The following USP45 variants were observed in gnomAD, a reference collection of about 807,000 sequenced individuals.
The protein encoded by USP45 is ubiquitin carboxyl-terminal hydrolase 45.
Under a neutral mutation model 95.8 loss-of-function variants are expected in USP45, and 89 were observed. That is an observed-to-expected ratio of 0.93 (90% CI 0.78 to 1.11). The LOEUF is 1.11. Ranked by LOEUF, USP45 falls within the 50% of genes least tolerant of loss-of-function variation. The pLI is 0.00. For missense variants in USP45, 898 were observed against 942.5 expected (o/e 0.95, Z 0.62); for synonymous variants, 281 against 316.2 (o/e 0.89, Z 1.18).
rs533691246 is a variant in USP45, at chr6:99,437,193, G to C, written c.2314+53C>G. On this transcript the variant is annotated intron_variant, in intron 17 of 17. Coordinates refer to ENST00000500704, the MANE Select transcript of USP45 (RefSeq NM_001346022.3). ...ATAATAACTTAGCTCTCCCAGAAAA[G>C]GAAGCACATATTCGTTTGTTTTTAA... The C allele has an allele frequency of 1.7e-5, 26 of 1,535,338 alleles. No homozygotes were observed. In the African/African-American group the frequency reaches 2.2e-4, roughly 13 times the overall value.
chr6:99,474,555 T>C (rs143014446), intron 9 of USP45, among the ~76,000 whole-genome samples: 372 of 152,298 alleles, frequency 2.4e-3, no homozygotes, highest in Non-Finnish European at 3.8e-3. Context: ...CACAAGCACA[T>C]ATGCACTTCA....
chr6:99,473,761 A>G (rs1191690339), intron 9 of USP45, among the ~76,000 whole-genome samples: 2 of 29,012 alleles, frequency 6.9e-5, no homozygotes, highest in African/African-American at 2.6e-4. Context: ...TCTCAAAAAA[A>G]AAACAAAAAA....
chr6:99,487,999 T>A (rs878890218), intron 7 of USP45, among the ~76,000 whole-genome samples: 1 of 152,226 alleles, frequency 6.6e-6, no homozygotes, highest in African/African-American at 2.4e-5. Context: ...ATTTGATCCA[T>A]GGCATATTGG....
At chr6:99,471,253 A>G (rs1409112317) in intron 9 of USP45, among the ~76,000 whole-genome samples, 4 of 152,232 alleles carry the variant, frequency 2.6e-5, no homozygotes, top group African/African-American at 9.6e-5. Context: ...CTCATTGTTA[A>G]GAGTTGTGCT....
intron 5 of USP45, among the ~76,000 whole-genome samples, chr6:99,497,498 A>T (rs1388655640): frequency 6.6e-6 from 1 of 152,184 alleles, no homozygotes; most frequent in Non-Finnish European, 1.5e-5. Flanking sequence ...CCTAGCTTGG[A>T]ACCAAATAAT....
intron 13 of USP45, among the ~76,000 whole-genome samples, chr6:99,463,800 CAAAAAAAAAAAA>C (rs398002416): frequency 2.3e-4 from 19 of 84,434 alleles, no homozygotes; most frequent in Middle Eastern, 5.9e-3. Context: ...GACTCCATCT[CAAAAAAAAAAAA>C]AAAAAAAAAA....
intron 13 of USP45, chr6:99,460,751 T>C (rs189006189): frequency 1.0e-6 from 1 of 981,718 alleles, no homozygotes; most frequent in East Asian, 1.1e-4. Flanking sequence ...AAGAGGACTA[T>C]GATTTTCTGA....
rs566839241 is a variant in USP45, at chr6:99,460,478, G to A, written c.1308+4126C>T. On this transcript the variant is annotated intron_variant, in intron 13 of 17. Coordinates refer to ENST00000500704, the MANE Select transcript of USP45 (RefSeq NM_001346022.3). ...TTTACTTGGACTTTAAAACTACTAA[G>A]TACCTGTTCAATTTTATCCTTAAAA... Among the ~76,000 whole-genome samples the A allele has an allele frequency of 1.3e-3, 203 of 152,086 alleles. 1 individual carries two copies. The highest frequency in any genetic ancestry group is 4.7e-3 in the African/African-American group (196 of 41,494).
At chr6:99,442,298 G>A (rs1369905205) in intron 15 of USP45, among the ~76,000 whole-genome samples, 1 of 152,142 alleles carries the variant, frequency 6.6e-6, no homozygotes, top group Non-Finnish European at 1.5e-5. Flanking sequence ...GCTCTGATAT[G>A]ACAAGACATA....
intron 6 of USP45, 89 bp from the exon 7 acceptor site, chr6:99,488,384 G>A: frequency 1.2e-6 from 1 of 851,700 alleles, no homozygotes; most frequent in South Asian, 1.7e-5. Context: ...ATCTAGCATA[G>A]CAAAAGTGTC....
At position 99,510,254 on chromosome 6, in the gene USP45, T is replaced by C. The variant is rs769822097; in HGVS notation, c.-10-24A>G. ...TACTGAAGGGATTGAGGGAAAAAAATTCATACATTTTAGTCTTCAAAATTA... is the reference window on the plus strand; with the variant it reads ...TACTGAAGGGATTGAGGGAAAAAAACTCATACATTTTAGTCTTCAAAATTA... On this transcript the variant is annotated intron_variant, in intron 1 of 17. Transcript: ENST00000500704. The C allele has an allele frequency of 3.2e-6, 5 of 1,538,714 alleles. No homozygotes were observed. In the Admixed American group the frequency reaches 7.3e-5, roughly 22 times the overall value.
At position 99,443,615 on chromosome 6, in the gene USP45, T is replaced by C. The variant is rs1329608766; in HGVS notation, c.2023A>G (p.Ile675Val). 1.9e-6 allele frequency: 3 copies of C among 1,609,342 alleles called. No homozygotes were observed. Among genetic ancestry groups the C allele is most frequent in the Non-Finnish European group, 2.5e-6 (3 of 1,177,346 alleles). The change falls in exon 15 of 18, where the codon ATT becomes GTT. Residue 675 changes from isoleucine to valine, a missense_variant. Transcript: ENST00000500704. ...ATTAGGACAGCTGGAACAGCAGAAA[T>C]GAGCAATTGCTTCCTGGCATTAGTA... ...VYTNARKQLL[I>V]SAVPAVLILH...
At chr6:99,480,082 A>G (rs1232104444) in intron 8 of USP45, among the ~76,000 whole-genome samples, 1 of 152,242 alleles carries the variant, frequency 6.6e-6, no homozygotes, top group Non-Finnish European at 1.5e-5. Flanking sequence ...ACATACAAAA[A>G]TCAACTGTAT....
chr6:99,455,110 C>CAA (rs1216205651), intron 13 of USP45, among the ~76,000 whole-genome samples: 2 of 137,986 alleles, frequency 1.4e-5, no homozygotes, highest in African/African-American at 5.2e-5. Flanking sequence ...AAACAAAAAA[C>CAA]AAAAAAACAA....
At chr6:99,453,182 A>AAC (rs1201634893) in intron 13 of USP45, among the ~76,000 whole-genome samples, 9 of 151,678 alleles carry the variant, frequency 5.9e-5, no homozygotes, top group Admixed American at 2.0e-4. Flanking sequence ...AGAAAAAAAA[A>AAC]AAAACATAAA....
intron 1 of USP45, among the ~76,000 whole-genome samples, chr6:99,513,107 C>A (rs1443193199): frequency 6.6e-6 from 1 of 152,138 alleles, no homozygotes; most frequent in Non-Finnish European, 1.5e-5. Context: ...ACAAAGAGTG[C>A]AGCATTACAT....
chr6:99,460,944 G>A (rs1786295137), intron 13 of USP45: 3 of 984,140 alleles, frequency 3.0e-6, no homozygotes, highest in Non-Finnish European at 3.6e-6. Flanking sequence ...AGAAAAAACA[G>A]CAAGATTCTG....
At chr6:99,480,440 C>A (rs1292855150) in intron 8 of USP45, among the ~76,000 whole-genome samples, 1 of 152,134 alleles carries the variant, frequency 6.6e-6, no homozygotes, top group African/African-American at 2.4e-5. Flanking sequence ...CTTTGGGAGG[C>A]CAAGGTGGGC....
intron 8 of USP45, 47 bp from the exon 9 acceptor site, chr6:99,476,277 C>T (rs1468983112): frequency 1.3e-6 from 2 of 1,546,548 alleles, no homozygotes; most frequent in East Asian, 4.5e-5. Context: ...ATAATCATTC[C>T]ATGGTTCATC....
Sources: allele counts gnomAD v4.1 joint callset (sites outside exome capture counted in the v4.1 genomes callset), GRCh38; gene constraint gnomAD v4.1.1; transcripts MANE v1.5; gene names NCBI Gene and HGNC (gene_info 2026-07-23, HGNC 2026-07-21).